Variants in ECPAS observed in about 807,000 individuals in gnomAD.
The protein encoded by ECPAS is Ecm29 proteasome adaptor and scaffold.
In ECPAS, 70 loss-of-function variants were observed where a neutral mutation model predicts 255.1. That is an observed-to-expected ratio of 0.27 (90% CI 0.23 to 0.33). The LOEUF (loss-of-function observed/expected upper bound fraction) is 0.33. Ranked by LOEUF, ECPAS falls within the 10% of genes least tolerant of loss-of-function variation. ECPAS has a pLI of 1.00. For missense variants in ECPAS, 1,817 were observed against 2,206.4 expected (o/e 0.82, Z 3.54); for synonymous variants, 784 against 775.0 (o/e 1.01, Z -0.19).
chr9:111,399,357 T>G (rs1211110926), intron 24 of ECPAS, among the ~76,000 whole-genome samples: 1 of 151,892 alleles, frequency 6.6e-6, no homozygotes, highest in East Asian at 1.9e-4. Flanking sequence ...CTGAATAGAG[T>G]GGGAAGTACA....
intron 1 of ECPAS, among the ~76,000 whole-genome samples, chr9:111,480,141 T>C (rs2098302340): frequency 6.6e-6 from 1 of 152,086 alleles, no homozygotes; most frequent in Admixed American, 6.6e-5. Flanking sequence ...TTCTGTGTGT[T>C]TGAAGATTTT....
chr9:111,369,247 G>A, intron 45 of ECPAS, 74 bp from the exon 46 acceptor site: 2 of 1,163,452 alleles, frequency 1.7e-6, no homozygotes, highest in Non-Finnish European at 2.3e-6. Context: ...AAAGCTATCA[G>A]GGTACCAACC....
chr9:111,375,055 A>G, intron 38 of ECPAS, 58 bp downstream of exon 38: 7 of 1,246,102 alleles, frequency 5.6e-6, no homozygotes, highest in Non-Finnish European at 8.3e-6. Flanking sequence ...TGGCTGTTAT[A>G]TCCTTATGGC....
intron 2 of ECPAS, among the ~76,000 whole-genome samples, chr9:111,465,228 T>C (rs1255780864): frequency 1.3e-5 from 2 of 151,154 alleles, no homozygotes; most frequent in Non-Finnish European, 2.9e-5. Context: ...GAGTCAGACA[T>C]ACATAAATGT....
chr9:111,365,694 A>G (rs879877094), intron 48 of ECPAS: 6 of 152,526 alleles, frequency 3.9e-5, no homozygotes, highest in Non-Finnish European at 8.8e-5. Context: ...AATAAAGAAC[A>G]TTACCGAATC....
intron 24 of ECPAS, among the ~76,000 whole-genome samples, chr9:111,400,988 G>A (rs2098175107): frequency 6.6e-6 from 1 of 152,184 alleles, no homozygotes; most frequent in African/African-American, 2.4e-5. Flanking sequence ...CAAAGGTCAT[G>A]GATGAAGAGA....
chr9:111,368,054 A>G (rs60369523), intron 46 of ECPAS, among the ~76,000 whole-genome samples: 9,623 of 152,010 alleles, frequency 0.063, 449 homozygotes, highest in East Asian at 0.19. Flanking sequence ...ACAAACAAAA[A>G]AAAAACGAAT....
At chr9:111,379,034 T>C (rs4978993) in intron 35 of ECPAS, among the ~76,000 whole-genome samples, 9,688 of 152,308 alleles carry the variant, frequency 0.064, 453 homozygotes, top group East Asian at 0.19. Context: ...TAGGAATTTA[T>C]AGTAGGCATG....
Position 111,426,837 on chromosome 9 carries a change from A to G in ECPAS, c.1051-1009T>C, listed in dbSNP as rs59634360. On this transcript the variant is annotated intron_variant, in intron 10 of 49. Transcript: ENST00000684092. ...ACAAAAATTAGCCAGGCATGGTGGC[A>G]CATGCCTGTAGTCCCAGCTACTTGG... Among the ~76,000 whole-genome samples the G allele has an allele frequency of 3.6e-3, 555 of 152,140 alleles. 4 individuals are homozygous for G. The highest frequency in any genetic ancestry group is 0.012 in the African/African-American group (517 of 41,520).
chr9:111,462,627 T>C (rs1001762856), intron 2 of ECPAS, among the ~76,000 whole-genome samples: 1 of 151,960 alleles, frequency 6.6e-6, no homozygotes, highest in African/African-American at 2.4e-5. Context: ...AAACTACAAG[T>C]TATCTGGAAA....
intron 15 of ECPAS, among the ~76,000 whole-genome samples, chr9:111,421,464 C>T (rs2098213853): frequency 1.4e-5 from 2 of 146,904 alleles, no homozygotes; most frequent in South Asian, 2.2e-4. Context: ...TACAGATATT[C>T]AAAATCCTCC....
intron 25 of ECPAS, among the ~76,000 whole-genome samples, chr9:111,395,333 G>A (rs1471635402): frequency 2.6e-5 from 4 of 151,944 alleles, no homozygotes; most frequent in Admixed American, 2.0e-4. Flanking sequence ...CTCAAATGCT[G>A]TTCATTCTAC....
chr9:111,407,469 C>CA (rs2098186841), intron 24 of ECPAS, among the ~76,000 whole-genome samples: 2 of 106,870 alleles, frequency 1.9e-5, no homozygotes, highest in African/African-American at 6.9e-5. Flanking sequence ...CTCAGGGATT[C>CA]AAAAAAGGAA....
intron 5 of ECPAS, 126 bp downstream of exon 5, chr9:111,442,180 T>C (rs2098246834): frequency 5.2e-6 from 3 of 572,180 alleles, no homozygotes; most frequent in Non-Finnish European, 9.2e-6. Flanking sequence ...AAAATTCTAT[T>C]ATTTGTCAGC....
chr9:111,466,104 A>C (rs2098279194), intron 2 of ECPAS, among the ~76,000 whole-genome samples: 1 of 152,134 alleles, frequency 6.6e-6, no homozygotes. Context: ...AAGAAAAAAA[A>C]TTTTTAATCA....
chr9:111,456,096 G>C (rs927575972), intron 2 of ECPAS, among the ~76,000 whole-genome samples: 63 of 152,314 alleles, frequency 4.1e-4, no homozygotes, highest in African/African-American at 1.4e-3. Context: ...ATGGAGGGAT[G>C]TAGGAAACAA....
At chr9:111,425,873 A>G in intron 10 of ECPAS, 45 bp from the exon 11 acceptor site, 1 of 972,020 alleles carries the variant, frequency 1.0e-6, no homozygotes, top group Non-Finnish European at 1.6e-6. Context: ...TAAAAATAAG[A>G]ATTTAATATT....
chr9:111,464,921 C>T (rs1164737165), intron 2 of ECPAS, among the ~76,000 whole-genome samples: 8 of 152,060 alleles, frequency 5.3e-5, no homozygotes, highest in African/African-American at 1.4e-4. Flanking sequence ...TGGTGGCTCA[C>T]GCTTGTAATC....
intron 2 of ECPAS, among the ~76,000 whole-genome samples, chr9:111,461,731 C>T (rs2098273435): frequency 6.6e-6 from 1 of 152,124 alleles, no homozygotes; most frequent in South Asian, 2.1e-4. Context: ...TTTCATGATG[C>T]TGATAAAGAC....
Sources: allele counts gnomAD v4.1 joint callset (sites outside exome capture counted in the v4.1 genomes callset), GRCh38; gene constraint gnomAD v4.1.1; transcripts MANE v1.5; gene names NCBI Gene and HGNC (gene_info 2026-07-23, HGNC 2026-07-21).